Variants in HEATR6 observed in about 807,000 individuals in gnomAD.
HEATR6 encodes HEAT repeat containing 6, also known as HEAT repeat-containing protein 6.
A neutral mutation model predicts 132.8 loss-of-function variants in HEATR6; 106 were observed. The observed-to-expected ratio is 0.80, with a 90% confidence interval of 0.68 to 0.94. HEATR6 has a LOEUF of 0.94. Ranked by LOEUF, HEATR6 falls within the 40% of genes least tolerant of loss-of-function variation. The pLI is 0.00. For synonymous variants in HEATR6, 529 were observed against 537.8 expected (o/e 0.98, Z 0.23); for missense variants, 1,339 against 1,425.1 (o/e 0.94, Z 0.97).
intron 1 of HEATR6, chr17:60,076,470 G>GCGGGAGGACTGCTTGAGCC (rs2083297427): frequency 2.3e-6 from 1 of 437,678 alleles, no homozygotes; most frequent in Admixed American, 3.9e-5. Flanking sequence ...GGAGGTCAAA[G>GCGGGAGGACTGCTTGAGCC]CGGGAGGACT....
At chr17:60,064,870 A>T (rs776132029) in intron 9 of HEATR6, 18 of 152,080 alleles carry the variant, frequency 1.2e-4, no homozygotes, top group Non-Finnish European at 2.2e-4. Flanking sequence ...ATCAGCTATG[A>T]CCTCATAACC....
At chr17:60,052,177 G>C (rs1406314297) in intron 14 of HEATR6, among the ~76,000 whole-genome samples, 2 of 152,142 alleles carry the variant, frequency 1.3e-5, no homozygotes, top group Non-Finnish European at 2.9e-5. Context: ...TAATTTGCTA[G>C]GTCTATGGGT....
chr17:60,049,272 G>A (rs919234357), intron 16 of HEATR6, among the ~76,000 whole-genome samples: 8 of 151,362 alleles, frequency 5.3e-5, no homozygotes, highest in African/African-American at 1.7e-4. Context: ...GGGACTACAG[G>A]TGCATACCAC....
rs748737940 is a variant in HEATR6 at position 60,076,206 on chromosome 17, C to T, written c.251G>A (p.Arg84Gln). Reference protein sequence around the residue: ...DVSALLVQACRLVPLNQNHLV... With the variant: ...DVSALLVQACQLVPLNQNHLV... ...ATGATTCTGATTAAGAGGTACCAGT[C>T]GGCAAGCCTGGACAAGAAGAGCACT... Residue 84 changes from arginine (R) to glutamine (Q), a missense_variant, in exon 2 of 20, where the codon CGA becomes CAA. Transcript: ENST00000184956. 4.0e-5 allele frequency: 65 copies of T among 1,609,774 alleles called. No homozygotes were observed. Among genetic ancestry groups the T allele is most frequent in the East Asian group, 1.3e-4 (6 of 44,834 alleles).
At chr17:60,063,884 A>G (rs2083225053) in intron 9 of HEATR6, 1 of 152,236 alleles carries the variant, frequency 6.6e-6, no homozygotes, top group South Asian at 2.1e-4. Flanking sequence ...AGCACCTGAG[A>G]TGACCACTTG....
At chr17:60,062,641 G>A (rs1220065711) in intron 9 of HEATR6, among the ~76,000 whole-genome samples, 1 of 152,162 alleles carries the variant, frequency 6.6e-6, no homozygotes, top group Admixed American at 6.5e-5. Flanking sequence ...CTGTTCACAT[G>A]TTATTTTATT....
Position 60,075,956 on chromosome 17 carries a change from A to T in HEATR6, c.327+174T>A, listed in dbSNP as rs532264321. ...CAAACTTCTAGAATTCTACAGAATA[A>T]TTTTTTTGGATCAGAGTTATATTTG... On this transcript the variant is annotated intron_variant, in intron 2 of 19. Coordinates refer to ENST00000184956, the MANE Select transcript of HEATR6 (RefSeq NM_022070.5). The T allele has an allele frequency of 6.5e-6, 3 of 459,434 alleles. No homozygotes were observed. The East Asian group carries it at 1.0e-4, about 16-fold the overall frequency. The allele number at this position is 459,434 out of a possible 1,614,324, so 28.5% of individuals were successfully genotyped here.
chr17:60,078,671 G>A (rs1281310114), intron 1 of HEATR6, 25 bp downstream of exon 1: 1 of 1,521,810 alleles, frequency 6.6e-7, no homozygotes, highest in African/African-American at 1.4e-5. Context: ...GGCCGGGGCC[G>A]GGGCCAGCAG....
chr17:60,048,999 T>TATATATATA (rs1264363403), intron 16 of HEATR6, among the ~76,000 whole-genome samples: 1 of 128,554 alleles, frequency 7.8e-6, no homozygotes, highest in Non-Finnish European at 1.6e-5. Context: ...TATATATATA[T>TATATATATA]ATATATATAT....
rs539444363 is a variant in HEATR6 at position 60,069,939 on chromosome 17, C to G, written c.802-91G>C. The stretch of plus-strand genomic sequence containing the variant: ...TTAATCATAAAATAGAACTATTTAC[C>G]ATGTCTGGATCACAACACTCATAGA... On this transcript the variant is annotated intron_variant, in intron 6 of 19. Coordinates refer to ENST00000184956, the MANE Select transcript of HEATR6 (RefSeq NM_022070.5). The G allele has an allele frequency of 2.5e-5, 36 of 1,463,592 alleles. 1 individual carries two copies. The South Asian group carries it at 4.4e-4, about 18-fold the overall frequency. The allele number at this position is 1,463,592 out of a possible 1,614,324, so 90.7% of individuals were successfully genotyped here.
intron 18 of HEATR6, 147 bp from the exon 19 acceptor site, chr17:60,046,376 T>C (rs1765725978): frequency 1.7e-6 from 1 of 579,044 alleles, no homozygotes; most frequent in East Asian, 2.8e-5. Flanking sequence ...GTTAACATCC[T>C]GAGCCATCAG....
chr17:60,048,306 G>A lies in HEATR6; in HGVS notation c.2630C>T (p.Ala877Val). Residue 877 changes from alanine to valine, a missense_variant, in exon 17 of 20, where the codon GCC (alanine) becomes GTC (valine). Transcript: ENST00000184956. ...DKSLNVRAKA[A>V]WSLGNLTDTL... is the part of the protein sequence containing the mutation. Reference sequence around the variant, plus strand: ...GTCTGTCAGGTTGCCCAGGGACCAGGCTGCTTTGGCTCGAACATTCAGAGA... The same window carrying A: ...GTCTGTCAGGTTGCCCAGGGACCAGACTGCTTTGGCTCGAACATTCAGAGA... 5 of 1,613,668 alleles carry A rather than the reference G, an allele frequency of 3.1e-6. No individual in the cohort carries two copies. The highest frequency in any genetic ancestry group is 4.2e-6 in the Non-Finnish European group (5 of 1,179,732).
At chr17:60,075,890 T>C (rs1195970801) in intron 2 of HEATR6, 1 of 287,638 alleles carries the variant, frequency 3.5e-6, no homozygotes, top group South Asian at 9.0e-5. Context: ...CTGAATGATA[T>C]TGGTTTACTG....
At chr17:60,051,834 GCCCCACT>G (rs1225115205) in intron 14 of HEATR6, among the ~76,000 whole-genome samples, 1 of 152,124 alleles carries the variant, frequency 6.6e-6, no homozygotes, top group Admixed American at 6.5e-5. Context: ...GGTCCTCCCT[GCCCCACT>G]CCAGAAGAAT....
chr17:60,078,409 T>C (rs376773333), intron 1 of HEATR6, among the ~76,000 whole-genome samples: 185 of 151,030 alleles, frequency 1.2e-3, no homozygotes, highest in African/African-American at 4.2e-3. Context: ...AGAGAGGGAG[T>C]GAAGGAGGGT....
chr17:60,046,589 T>C (rs1355427727), intron 18 of HEATR6, among the ~76,000 whole-genome samples: 1 of 152,212 alleles, frequency 6.6e-6, no homozygotes, highest in African/African-American at 2.4e-5. Flanking sequence ...ACTTTTCTAC[T>C]AGACTAGAGT....
intron 8 of HEATR6, among the ~76,000 whole-genome samples, chr17:60,066,868 C>T (rs886273903): frequency 1.4e-4 from 21 of 152,076 alleles, no homozygotes; most frequent in African/African-American, 4.8e-4. Context: ...AAAGGCTTCC[C>T]GGGGAATATG....
chr17:60,069,867 GACAC>G lies in HEATR6; in HGVS notation c.802-23_802-20del. On this transcript the variant is annotated intron_variant, in intron 6 of 19. Coordinates refer to ENST00000184956, the MANE Select transcript of HEATR6 (RefSeq NM_022070.5). ...TGAATTTCTAATAATGATGAATAAGGACACACACACACACACGAAACCAAAAAAA... is the reference window on the plus strand; with the variant it reads ...TGAATTTCTAATAATGATGAATAAGGACACACACACACGAAACCAAAAAAA... The G allele has an allele frequency of 6.3e-7, 1 of 1,597,258 alleles. No homozygotes were observed. Among genetic ancestry groups the G allele is most frequent in the Non-Finnish European group, 8.6e-7 (1 of 1,168,898 alleles).
Position 60,057,351 on chromosome 17 carries a change from G to C in HEATR6, c.1776C>G (p.Thr592=), listed in dbSNP as rs758404446. The change falls in exon 12 of 20, where the codon ACC becomes ACG. Residue 592 remains threonine (T), a synonymous_variant. Coordinates refer to ENST00000184956, the MANE Select transcript of HEATR6 (RefSeq NM_022070.5). ...GTTGGACTTCAGGTAAAGGTGCGTG[G>C]GTGGACACTATAGCTCCCAAGAGTG... ...SLTLLGAIVS[T]HAPLPEVQLL... is the part of the protein sequence containing the mutation. The C allele has an allele frequency of 2.5e-6, 4 of 1,613,738 alleles. No individual in the cohort carries two copies. In the South Asian group the frequency reaches 4.4e-5, roughly 18 times the overall value.
Sources: gnomAD v4.1 joint callset for allele counts (sites outside exome capture counted in the v4.1 genomes callset) on GRCh38, gnomAD v4.1.1 for gene constraint, MANE v1.5 for transcripts, NCBI Gene and HGNC (gene_info 2026-07-23, HGNC 2026-07-21) for gene names.